Variants in WWOX observed in about 807,000 individuals in gnomAD.
WWOX encodes WW domain-containing oxidoreductase.
In WWOX, 69 loss-of-function variants were observed where a neutral mutation model predicts 46.2. The ratio of observed to expected loss-of-function variants is 1.49; its 90% CI spans 1.23 to 1.82. The LOEUF is 1.82. WWOX is among the 40% of genes most tolerant of loss of function. The pLI is 0.00. For missense variants in WWOX, 919 were observed against 542.6 expected (o/e 1.69, Z -6.89); for synonymous variants, 359 against 202.6 (o/e 1.77, Z -6.56).
chr16:78,527,276 A>G (rs2043495693), intron 8 of WWOX, among the ~76,000 whole-genome samples: 1 of 150,034 alleles, frequency 6.7e-6, no homozygotes, highest in Non-Finnish European at 1.5e-5. Context: ...TTTGACTTGT[A>G]TCTCGCTCTT....
At chr16:78,958,411 T>A (rs1338084087) in intron 8 of WWOX, among the ~76,000 whole-genome samples, 1 of 152,038 alleles carries the variant, frequency 6.6e-6, no homozygotes. Flanking sequence ...ATGGATAGAG[T>A]TCATGGATGT....
chr16:78,956,705 A>G (rs1340050508), intron 8 of WWOX, among the ~76,000 whole-genome samples: 2 of 152,176 alleles, frequency 1.3e-5, no homozygotes, highest in Non-Finnish European at 2.9e-5. Context: ...CACATCAAAA[A>G]TTCCTTTTGT....
At chr16:78,314,866 G>C (rs1246044250) in intron 5 of WWOX, among the ~76,000 whole-genome samples, 1 of 151,942 alleles carries the variant, frequency 6.6e-6, no homozygotes, top group Non-Finnish European at 1.5e-5. Context: ...GTGTCATTTT[G>C]ATGTACTGAG....
chr16:79,180,126 C>A (rs138498742), intron 8 of WWOX, among the ~76,000 whole-genome samples: 1 of 152,154 alleles, frequency 6.6e-6, no homozygotes, highest in East Asian at 1.9e-4. Context: ...TTAGAAGAGA[C>A]TCTGGGGAAT....
intron 8 of WWOX, among the ~76,000 whole-genome samples, chr16:78,726,570 C>T (rs771151116): frequency 9.4e-5 from 14 of 149,376 alleles, no homozygotes; most frequent in Non-Finnish European, 1.5e-4. Context: ...TTTTTGTTCC[C>T]CCATGGGATA....
intron 8 of WWOX, among the ~76,000 whole-genome samples, chr16:78,911,640 C>T (rs1031330185): frequency 2.0e-5 from 3 of 152,118 alleles, no homozygotes; most frequent in Non-Finnish European, 2.9e-5. Flanking sequence ...CTGAGACAGG[C>T]AGATCACTTG....
At chr16:78,572,545 G>A (rs1252590104) in intron 8 of WWOX, among the ~76,000 whole-genome samples, 1 of 140,254 alleles carries the variant, frequency 7.1e-6, no homozygotes, top group South Asian at 2.3e-4. Flanking sequence ...CGAGGCTGCA[G>A]TGAGCCATGA....
At chr16:78,964,523 C>G (rs1407184159) in intron 8 of WWOX, among the ~76,000 whole-genome samples, 1 of 152,172 alleles carries the variant, frequency 6.6e-6, no homozygotes, top group African/African-American at 2.4e-5. Context: ...CAAGAGGTGA[C>G]TTGGGTGCTG....
rs147623498 is a variant in WWOX, at chr16:78,361,492, G to A, written c.517-25368G>A. Among the ~76,000 whole-genome samples, 871 of 152,260 alleles carry A rather than the reference G, an allele frequency of 5.7e-3. 2 individuals carry two copies. Among genetic ancestry groups the A allele is most frequent in the Non-Finnish European group, 8.8e-3 (599 of 68,020 alleles). On this transcript the variant is annotated intron_variant, in intron 5 of 8. Coordinates refer to ENST00000566780, the MANE Select transcript of WWOX (RefSeq NM_016373.4). ...GACTTTCTATTGTTGGATCTTGCCTGCAGCAGTGTTTACCATGATGCTTGG... is the reference window on the plus strand; with the variant it reads ...GACTTTCTATTGTTGGATCTTGCCTACAGCAGTGTTTACCATGATGCTTGG...
At chr16:78,920,288 A>G in intron 8 of WWOX, among the ~76,000 whole-genome samples, 1 of 152,134 alleles carries the variant, frequency 6.6e-6, no homozygotes, top group Non-Finnish European at 1.5e-5. Flanking sequence ...TGACCTGGTC[A>G]CTCTGGGGCA....
intron 8 of WWOX, among the ~76,000 whole-genome samples, chr16:78,520,573 C>G (rs1409208075): frequency 6.6e-6 from 1 of 151,532 alleles, no homozygotes; most frequent in African/African-American, 2.4e-5. Context: ...CAGTGGATGT[C>G]AGGATTGTCT....
At chr16:79,086,451 C>T (rs758076595) in intron 8 of WWOX, among the ~76,000 whole-genome samples, 1 of 152,136 alleles carries the variant, frequency 6.6e-6, no homozygotes, top group African/African-American at 2.4e-5. Context: ...TTAAGATGAC[C>T]TTTTGAAAAT....
intron 8 of WWOX, among the ~76,000 whole-genome samples, chr16:78,799,370 A>G (rs1238322013): frequency 6.6e-6 from 1 of 152,192 alleles, no homozygotes; most frequent in Non-Finnish European, 1.5e-5. Context: ...TGGGTTAGCA[A>G]ACACATGCTC....
chr16:78,356,499 CCTAGA>C (rs1479793817), intron 5 of WWOX, among the ~76,000 whole-genome samples: 3 of 152,080 alleles, frequency 2.0e-5, no homozygotes, highest in Non-Finnish European at 4.4e-5. Context: ...AGTCGCCTAC[CCTAGA>C]CCTCATCTCC....
intron 5 of WWOX, among the ~76,000 whole-genome samples, chr16:78,291,757 G>A (rs2079862172): frequency 6.6e-6 from 1 of 152,100 alleles, no homozygotes; most frequent in South Asian, 2.1e-4. Context: ...ATCAAGTTTG[G>A]GGCATATTTC....
intron 8 of WWOX, among the ~76,000 whole-genome samples, chr16:78,696,660 A>G (rs2048106082): frequency 6.6e-6 from 1 of 151,406 alleles, no homozygotes; most frequent in South Asian, 2.1e-4. Context: ...TATTTTCTTT[A>G]ATTTTTTTAA....
In WWOX at chr16:78,821,683, A is replaced by G. The variant is rs1597669578; in HGVS notation, c.1056+388931A>G. ...GTGGTCGTTCACAGGTGACAAAGAC[A>G]GAGGCTCAGGGAACTCAGTTGGTTG... On this transcript the variant is annotated intron_variant, in intron 8 of 8. Coordinates refer to ENST00000566780, the MANE Select transcript of WWOX (RefSeq NM_016373.4). Among the ~76,000 whole-genome samples the G allele has an allele frequency of 1.3e-5, 2 of 152,210 alleles. 1 individual carries two copies. Among genetic ancestry groups the G allele is most frequent in the South Asian group, 4.1e-4 (2 of 4,838 alleles).
chr16:78,102,208 G>A (rs1225154317), intron 1 of WWOX, among the ~76,000 whole-genome samples: 1 of 152,176 alleles, frequency 6.6e-6, no homozygotes, highest in Non-Finnish European at 1.5e-5. Flanking sequence ...ACTGTGCCAA[G>A]CCCAGAGCGG....
intron 8 of WWOX, chr16:79,101,796 A>G (rs2049201535): frequency 6.6e-6 from 1 of 151,052 alleles, no homozygotes; most frequent in Non-Finnish European, 1.5e-5. Flanking sequence ...TACTTTCCAG[A>G]TAGTTTTTTC....
Sources: gnomAD v4.1 joint callset for allele counts (sites outside exome capture counted in the v4.1 genomes callset) on GRCh38, gnomAD v4.1.1 for gene constraint, MANE v1.5 for transcripts, NCBI Gene and HGNC (gene_info 2026-07-23, HGNC 2026-07-21) for gene names.